Variants in SECISBP2 observed in about 807,000 individuals in gnomAD.
The protein encoded by SECISBP2 is SECIS binding protein 2.
Under a neutral mutation model 98.2 loss-of-function variants are expected in SECISBP2, and 96 were observed. The ratio of observed to expected loss-of-function variants is 0.98; its 90% CI spans 0.83 to 1.16. SECISBP2 has a LOEUF of 1.16. Ranked by LOEUF, SECISBP2 falls within the 50% of genes most tolerant of loss-of-function variation. The pLI is 0.00. For synonymous variants in SECISBP2, 407 were observed against 370.2 expected (o/e 1.10, Z -1.14); for missense variants, 1,046 against 1,022.9 (o/e 1.02, Z -0.31).
At chr9:89,352,278 C>T (rs922002879) in intron 14 of SECISBP2, among the ~76,000 whole-genome samples, 1 of 152,202 alleles carries the variant, frequency 6.6e-6, no homozygotes, top group African/African-American at 2.4e-5. Context: ...AAGAAACCTT[C>T]ATTCCCAGCT....
intron 14 of SECISBP2, among the ~76,000 whole-genome samples, chr9:89,354,611 T>G (rs539907715): frequency 2.0e-4 from 31 of 152,166 alleles, no homozygotes; most frequent in African/African-American, 7.2e-4. Context: ...CCACAGTGTT[T>G]GCACACCATA....
intron 10 of SECISBP2, among the ~76,000 whole-genome samples, chr9:89,341,783 A>T (rs182847871): frequency 3.3e-5 from 5 of 152,344 alleles, no homozygotes; most frequent in African/African-American, 9.6e-5. Flanking sequence ...CCTACCTCAC[A>T]CCATAGATCC....
At chr9:89,356,459 GT>G (rs1395466131) in intron 14 of SECISBP2, 4 of 152,212 alleles carry the variant, frequency 2.6e-5, no homozygotes, top group African/African-American at 9.7e-5. Context: ...CAGATTTTCT[GT>G]TGCGGGGATG....
chr9:89,363,447 T>C, downstream of SECISBP2: 2 of 1,613,724 alleles, frequency 1.2e-6, no homozygotes, highest in Non-Finnish European at 1.7e-6. Flanking sequence ...TTCCTCCAGC[T>C]CTGCATCATC....
At chr9:89,364,790 CAG>C in the SECISBP2 span, 1 of 152,312 alleles carries the variant, frequency 6.6e-6, no homozygotes, top group Non-Finnish European at 1.5e-5. Flanking sequence ...GTGGGCGAGG[CAG>C]AGACGTTCCC....
At chr9:89,335,615 G>C (rs1228577502) in intron 7 of SECISBP2, among the ~76,000 whole-genome samples, 1 of 152,166 alleles carries the variant, frequency 6.6e-6, no homozygotes, top group Non-Finnish European at 1.5e-5. Flanking sequence ...ACTGGCGTGA[G>C]CCACCGTGCC....
intron 4 of SECISBP2, among the ~76,000 whole-genome samples, chr9:89,327,743 T>C (rs753241713): frequency 1.3e-5 from 2 of 152,156 alleles, no homozygotes; most frequent in Non-Finnish European, 2.9e-5. Flanking sequence ...CAATGCCTTA[T>C]TCTGGAATCC....
At chr9:89,362,408 G>C (rs1026236994), downstream of SECISBP2, 3 of 1,614,008 alleles carry the variant, frequency 1.9e-6, no homozygotes, top group Middle Eastern at 1.6e-4. Context: ...GTGGCTACAG[G>C]GTGTCCTTGC....
At chr9:89,333,439 C>A (rs1347346718) in intron 6 of SECISBP2, among the ~76,000 whole-genome samples, 1 of 152,136 alleles carries the variant, frequency 6.6e-6, no homozygotes, top group African/African-American at 2.4e-5. Flanking sequence ...TTAGGAAAAC[C>A]GTTTTTCAAA....
intron 14 of SECISBP2, among the ~76,000 whole-genome samples, chr9:89,351,484 G>A (rs1831277118): frequency 6.6e-6 from 1 of 152,098 alleles, no homozygotes; most frequent in Non-Finnish European, 1.5e-5. Flanking sequence ...ACTGATAAGA[G>A]CAGAGTGGCA....
intron 7 of SECISBP2, among the ~76,000 whole-genome samples, 182 bp downstream of exon 7, chr9:89,334,912 CATTTAAAAATA>C (rs1223767248): frequency 1.8e-4 from 28 of 152,270 alleles, no homozygotes; most frequent in African/African-American, 6.3e-4. Context: ...CTGAAATATT[CATTTAAAAATA>C]GTTAAGACGG....
rs1025787206 is a variant in SECISBP2, at chr9:89,325,474, C to T, written c.230C>T (p.Pro77Leu). 3.7e-6 allele frequency: 6 copies of T among 1,613,566 alleles called. No homozygotes were observed. The highest frequency in any genetic ancestry group is 1.1e-5 in the South Asian group (1 of 91,080). Residue 77 changes from proline to leucine, a missense_variant, in exon 3 of 17, where the codon CCA becomes CTA. Transcript: ENST00000375807. ...ATGGCCTTTGGAGCTTCAACTTTTC[C>T]ACCTCAGTATTTATCTTCTGAGATA... ...EDMAFGASTF[P>L]PQYLSSEITL...
At chr9:89,329,105 C>CGTTTT (rs147815963) in intron 5 of SECISBP2, 63 of 560,006 alleles carry the variant, frequency 1.1e-4, no homozygotes, top group South Asian at 4.0e-4. Flanking sequence ...TTTATTTGTG[C>CGTTTT]GTTTTGTTTT....
At chr9:89,358,553 G>A (rs878914968) in intron 16 of SECISBP2, among the ~76,000 whole-genome samples, 168 bp from the exon 17 acceptor site, 3 of 152,210 alleles carry the variant, frequency 2.0e-5, no homozygotes, top group Non-Finnish European at 4.4e-5. Context: ...GGGGCAGCCC[G>A]GCCCAGCAGG....
At position 89,348,193 on chromosome 9, in the gene SECISBP2, C is replaced by G; in HGVS notation, c.1717C>G (p.Pro573Ala). The G allele has an allele frequency of 1.2e-6, 2 of 1,614,154 alleles. No homozygotes were observed. Among genetic ancestry groups the G allele is most frequent in the South Asian group, 1.1e-5 (1 of 91,086 alleles). Residue 573 changes from proline (P) to alanine (A), a missense_variant, in exon 12 of 17, where the codon CCC (proline) becomes GCC (alanine). Pro to Ala is a conservative substitution (Grantham distance 27). Transcript: ENST00000375807. ...AGAGAGTGGTGGTGATGACCAGTTT[C>G]CCGAGCAGGCAGAGCTGTCAGGTAC... ...DGESGGDDQFPEQAELSGPEG... is the reference protein window; with the variant it reads ...DGESGGDDQFAEQAELSGPEG...
chr9:89,340,250 A>G (rs191448034), intron 9 of SECISBP2, among the ~76,000 whole-genome samples: 1 of 152,198 alleles, frequency 6.6e-6, no homozygotes, highest in African/African-American at 2.4e-5. Flanking sequence ...ATGAAACTTT[A>G]AGGGGAAAAA....
chr9:89,321,977 A>G (rs1360125796), intron 2 of SECISBP2, among the ~76,000 whole-genome samples: 1 of 152,196 alleles, frequency 6.6e-6, no homozygotes, highest in Non-Finnish European at 1.5e-5. Flanking sequence ...CCTCCTTCTT[A>G]CTTGTTCAAC....
At chr9:89,362,809 C>CCCCACCGCAGGTGGTAGCA (rs1451347207), downstream of SECISBP2, among the ~76,000 whole-genome samples, 3 of 148,196 alleles carry the variant, frequency 2.0e-5, no homozygotes, top group Admixed American at 7.1e-5. Context: ...GTGCTGCAGA[C>CCCCACCGCAGGTGGTAGCA]CCCACCGCAG....
At chr9:89,362,568 C>T, downstream of SECISBP2, 1 of 1,466,100 alleles carries the variant, frequency 6.8e-7, no homozygotes, top group Non-Finnish European at 9.5e-7. Flanking sequence ...TCCTTGGAGT[C>T]TAAAGATCCA....
Sources: gnomAD v4.1 joint callset for allele counts (sites outside exome capture counted in the v4.1 genomes callset) on GRCh38, gnomAD v4.1.1 for gene constraint, MANE v1.5 for transcripts, NCBI Gene and HGNC (gene_info 2026-07-23, HGNC 2026-07-21) for gene names.